PCDHGB7: variants seen among roughly 807,000 people sequenced by gnomAD.
PCDHGB7 encodes protocadherin gamma subfamily B, 7, also known as protocadherin gamma-B7.
In PCDHGB7, 37 loss-of-function variants were observed where a neutral mutation model predicts 61.4. The ratio of observed to expected loss-of-function variants is 0.60; its 90% CI spans 0.46 to 0.79. The LOEUF (loss-of-function observed/expected upper bound fraction) is 0.79. PCDHGB7 is among the 30% of genes least tolerant of loss of function. The probability of loss-of-function intolerance (pLI) is 0.00; values close to 1 mark genes in which losing one functional copy is unlikely to be tolerated. For synonymous variants in PCDHGB7, 464 were observed against 503.5 expected (o/e 0.92, Z 1.05); for missense variants, 1,166 against 1,202.5 (o/e 0.97, Z 0.45).
At chr5:141,422,345 A>G in intron 1 of PCDHGB7, 1 of 1,551,648 alleles carries the variant, frequency 6.4e-7, no homozygotes, top group South Asian at 1.3e-5. Context: ...CTAAATGTGC[A>G]AGATCAAGAT....
Position 141,477,656 on chromosome 5 carries a change from C to T in PCDHGB7, c.2416-17151C>T, listed in dbSNP as rs755621234. The T allele has an allele frequency of 1.9e-6, 3 of 1,614,184 alleles. No homozygotes were observed. The South Asian group carries it at 3.3e-5, about 18-fold the overall frequency. ...AGTGGGTCGCTATTTCACAATAAATCGTGACAATGGCATAGTGTCATCCTT... is the reference window on the plus strand; with the variant it reads ...AGTGGGTCGCTATTTCACAATAAATTGTGACAATGGCATAGTGTCATCCTT... On this transcript the variant is annotated intron_variant, in intron 1 of 3. Transcript: ENST00000398594. The surrounding 1 kb of genome is among the most constrained non-coding windows in gnomAD (Gnocchi z 4.9).
At chr5:141,475,764 C>T (rs2154573514) in intron 1 of PCDHGB7, among the ~76,000 whole-genome samples, 1 of 152,380 alleles carries the variant, frequency 6.6e-6, no homozygotes, top group South Asian at 2.1e-4. Flanking sequence ...CCGATACTGG[C>T]AAGGCGCTTT....
At position 141,419,007 on chromosome 5, in the gene PCDHGB7, GGT is replaced by G. The variant is rs1181124538; in HGVS notation, c.1151_1152del (p.Cys384Ter). 6.2e-7 allele frequency: 1 copy of G among 1,613,978 alleles called. No homozygotes were observed. The highest frequency in any genetic ancestry group is 1.1e-5 in the South Asian group (1 of 91,084). On this transcript the variant is annotated frameshift_variant, in exon 1 of 4. Transcript: ENST00000398594. LOFTEE classifies it high-confidence loss of function. ...GACTCAGGGGAAAATGGGGAAGTCA[GGT>G]GTAGCTTAAGTAGAGGTGTTCCATT...
intron 1 of PCDHGB7, among the ~76,000 whole-genome samples, chr5:141,455,803 A>C (rs1197986124): frequency 2.6e-5 from 4 of 152,068 alleles, no homozygotes; most frequent in Non-Finnish European, 4.4e-5. Flanking sequence ...TGCTTTAAAA[A>C]ATGAAAACTT....
At chr5:141,423,067 G>C (rs757110751) in intron 1 of PCDHGB7, 36 of 1,614,024 alleles carry the variant, frequency 2.2e-5, no homozygotes, top group Non-Finnish European at 2.9e-5. Context: ...TAAGGCCAGC[G>C]AGCCGGGACT....
Position 141,502,866 on chromosome 5 carries a change from C to CTTTTTTTTTTTTTT in PCDHGB7, c.2475-2526_2475-2513dup, listed in dbSNP as rs549047197. Among the ~76,000 whole-genome samples the CTTTTTTTTTTTTTT allele has an allele frequency of 1.6e-4, 20 of 128,024 alleles. 4 individuals are homozygous for CTTTTTTTTTTTTTT. The highest frequency in any genetic ancestry group is 2.6e-4 in the Admixed American group (3 of 11,660). 84.0% of individuals were successfully genotyped at this position (128,024 alleles called of 152,430 possible). A position where few individuals can be genotyped will look rare whatever the true frequency, so the allele number is the denominator to read the frequency against. The stretch of plus-strand genomic sequence containing the variant: ...GAGCTGCCTAACCCTGACTCTCTGT[C>CTTTTTTTTTTTTTT]TTTTTTTTTTTTTTGACAGGGAGTC... On this transcript the variant is annotated intron_variant, in intron 2 of 3. Transcript: ENST00000398594.
rs142995927 is a variant in PCDHGB7, at chr5:141,489,933, C to T, written c.2416-4874C>T. 38 of 1,614,064 alleles carry T rather than the reference C, an allele frequency of 2.4e-5. No homozygotes were observed. The highest frequency in any genetic ancestry group is 1.8e-4 in the South Asian group (16 of 91,084). On this transcript the variant is annotated intron_variant, in intron 1 of 3. Transcript: ENST00000398594. This position sits in a 1 kb window ranked among gnomAD's most constrained non-coding sequence, Gnocchi z 4.5. ...CAGGGACCACCCTTATCTCTGTCAT[C>T]GTGCTGGACATCAATGATAATGCTC...
rs2097438776 is a variant in PCDHGB7 at position 141,432,018 on chromosome 5, T to C, written c.2415+11744T>C. Reference sequence around the variant, plus strand: ...AGGGAACAGGTTCCTAGCTACAACATCACAGTGACCGCCACTGACCGGGGA... The same window carrying C: ...AGGGAACAGGTTCCTAGCTACAACACCACAGTGACCGCCACTGACCGGGGA... On this transcript the variant is annotated intron_variant, in intron 1 of 3. Transcript: ENST00000398594. This position sits in a 1 kb window ranked among gnomAD's most constrained non-coding sequence, Gnocchi z 6.0. 1.9e-6 allele frequency: 3 copies of C among 1,614,048 alleles called. No homozygotes were observed. In the South Asian group the frequency reaches 3.3e-5, roughly 18 times the overall value.
chr5:141,454,464 T>C (rs1365696226), intron 1 of PCDHGB7, among the ~76,000 whole-genome samples: 1 of 152,196 alleles, frequency 6.6e-6, no homozygotes, highest in Non-Finnish European at 1.5e-5. Flanking sequence ...TGGAGTGCAA[T>C]GGCATGATCT....
chr5:141,469,517 G>A (rs1416478511), intron 1 of PCDHGB7, among the ~76,000 whole-genome samples: 1 of 152,198 alleles, frequency 6.6e-6, no homozygotes, highest in Non-Finnish European at 1.5e-5. Flanking sequence ...GGAGGTTGCA[G>A]TGAGCCAAGA....
chr5:141,419,273 G>A lies in PCDHGB7; in HGVS notation c.1414G>A (p.Ala472Thr), dbSNP rs751868316. ...AAACAACCAGCCGGGTGCCTCCATA[G>A]CGCAAGTCAGTGCCTCTGACCCAGA... ...PENNQPGASI[A>T]QVSASDPDFG... The change falls in exon 1 of 4, where the codon GCG becomes ACG. Residue 472 changes from alanine (A) to threonine (T), a missense_variant. Transcript: ENST00000398594. 1.2e-6 allele frequency: 2 copies of A among 1,614,034 alleles called. No homozygotes were observed. Among genetic ancestry groups the A allele is most frequent in the South Asian group, 1.1e-5 (1 of 91,088 alleles).
chr5:141,417,701 C>T lies in PCDHGB7; in HGVS notation c.-159C>T, dbSNP rs1382264857. 8.4e-7 allele frequency: 1 copy of T among 1,192,516 alleles called. No individual in the cohort carries two copies. The highest frequency in any genetic ancestry group is 3.0e-5 in the Admixed American group (1 of 33,636). The allele number at this position is 1,192,516 out of a possible 1,614,324, so 73.9% of individuals were successfully genotyped here. On this transcript the variant is annotated 5_prime_UTR_variant, in exon 1 of 4. Transcript: ENST00000398594. ...CAACAGAAAAGAAAACCAGCTCCCACACAGAGGCTCCCGGCTGCGCAGACC... is the reference window on the plus strand; with the variant it reads ...CAACAGAAAAGAAAACCAGCTCCCATACAGAGGCTCCCGGCTGCGCAGACC...
intron 1 of PCDHGB7, among the ~76,000 whole-genome samples, chr5:141,450,162 A>T (rs2098671900): frequency 6.6e-6 from 1 of 151,624 alleles, no homozygotes; most frequent in Admixed American, 6.6e-5. Flanking sequence ...ATGTGCCACC[A>T]CACTCCCACC....
Position 141,432,771 on chromosome 5 carries a change from T to G in PCDHGB7, c.2415+12497T>G. The G allele has an allele frequency of 6.2e-7, 1 of 1,614,006 alleles. No homozygotes were observed. The highest frequency in any genetic ancestry group is 8.5e-7 in the Non-Finnish European group (1 of 1,179,966). On this transcript the variant is annotated intron_variant, in intron 1 of 3. Coordinates refer to ENST00000398594, the MANE Select transcript of PCDHGB7 (RefSeq NM_018927.4). This position sits in a 1 kb window ranked among gnomAD's most constrained non-coding sequence, Gnocchi z 6.0. ...GCCGTGGCCGACAGCATCCCCCAAG[T>G]CCTGGCGGACCTCGGCAGCCTCGAG...
chr5:141,441,623 C>T (rs530409184), intron 1 of PCDHGB7: 2 of 224,422 alleles, frequency 8.9e-6, no homozygotes, highest in Non-Finnish European at 1.8e-5. Flanking sequence ...TGGCCAGTGA[C>T]CTGGAGCCAC....
At position 141,490,440 on chromosome 5, in the gene PCDHGB7, T is replaced by C. The variant is rs560525159; in HGVS notation, c.2416-4367T>C. On this transcript the variant is annotated intron_variant, in intron 1 of 3. Transcript: ENST00000398594. This position sits in a 1 kb window ranked among gnomAD's most constrained non-coding sequence, Gnocchi z 5.4. ...ACCTGCCATTTCAGATTAAGCCTTC[T>C]GAGAACCACTACTCGCTGCTAACCA... 7 of 1,614,206 alleles carry C rather than the reference T, an allele frequency of 4.3e-6. No homozygotes were observed. Among genetic ancestry groups the C allele is most frequent in the Non-Finnish European group, 5.9e-6 (7 of 1,180,040 alleles).
At chr5:141,446,231 C>T (rs1412899811) in intron 1 of PCDHGB7, among the ~76,000 whole-genome samples, 2 of 152,176 alleles carry the variant, frequency 1.3e-5, no homozygotes, top group African/African-American at 2.4e-5. Flanking sequence ...TGTTGCCTGG[C>T]AAGTGGTAGA....
intron 1 of PCDHGB7, among the ~76,000 whole-genome samples, chr5:141,484,544 A>G (rs1160398392): frequency 6.6e-6 from 1 of 152,144 alleles, no homozygotes; most frequent in Non-Finnish European, 1.5e-5. Flanking sequence ...CAGTGGTTCT[A>G]ATTAGCAGTT....
chr5:141,500,499 G>T lies in PCDHGB7; in HGVS notation c.2475-4894G>T, dbSNP rs531501031. On this transcript the variant is annotated intron_variant, in intron 2 of 3. Transcript: ENST00000398594. ...GCTGGGATTACAGGCGTGAGCCACC[G>T]CGCCTGGCCGAGCTTCATTTTAAAA... Among the ~76,000 whole-genome samples, 24 of 152,088 alleles carry T rather than the reference G, an allele frequency of 1.6e-4. 1 individual carries two copies. In the Middle Eastern group the frequency reaches 0.01, roughly 65 times the overall value.
Sources: allele counts gnomAD v4.1 joint callset (sites outside exome capture counted in the v4.1 genomes callset), GRCh38; gene constraint gnomAD v4.1.1; non-coding constraint Gnocchi (gnomAD v3.1); transcripts MANE v1.5; gene names NCBI Gene and HGNC (gene_info 2026-07-23, HGNC 2026-07-21).